SIGLEC9: variants seen among roughly 807,000 people sequenced by gnomAD.
SIGLEC9 encodes sialic acid binding Ig like lectin 9.
A neutral mutation model predicts 38.3 loss-of-function variants in SIGLEC9; 26 were observed. The observed-to-expected ratio is 0.68, with a 90% CI of 0.50 to 0.94. SIGLEC9 has a LOEUF of 0.94. Ranked by LOEUF, SIGLEC9 falls within the 40% of genes least tolerant of loss-of-function variation. The pLI, the probability that SIGLEC9 is intolerant of heterozygous loss-of-function variation, is 0.00. For synonymous variants in SIGLEC9, 236 were observed against 248.0 expected (o/e 0.95, Z 0.45); for missense variants, 556 against 585.7 (o/e 0.95, Z 0.52).
downstream of SIGLEC9, among the ~76,000 whole-genome samples, chr19:51,131,389 C>T (rs1417793693): frequency 6.6e-6 from 1 of 151,952 alleles, no homozygotes; most frequent in Non-Finnish European, 1.5e-5. Context: ...AGATCGAGAC[C>T]ATCCTGGCTA....
intron 3 of SIGLEC9, among the ~76,000 whole-genome samples, chr19:51,126,549 C>A (rs548845798): frequency 4.3e-4 from 65 of 152,330 alleles, no homozygotes; most frequent in Middle Eastern, 3.4e-3. Context: ...CCAGAACCAA[C>A]CACTGTCCAT....
At position 51,130,195 on chromosome 19, in the gene SIGLEC9, T is replaced by C; in HGVS notation, c.*116T>C. The C allele has an allele frequency of 2.8e-6, 4 of 1,444,648 alleles. No individual in the cohort carries two copies. Among genetic ancestry groups the C allele is most frequent in the Non-Finnish European group, 3.6e-6 (4 of 1,100,814 alleles). 89.5% of individuals were successfully genotyped at this position (1,444,648 alleles called of 1,614,324 possible). Reference sequence around the variant, plus strand: ...TCAACGTGATGAGCTATGATAACACTATGAATTATGTGCAGAGTGAAAAGC... The same window carrying C: ...TCAACGTGATGAGCTATGATAACACCATGAATTATGTGCAGAGTGAAAAGC... On this transcript the variant is annotated 3_prime_UTR_variant, in exon 7 of 7. Coordinates refer to ENST00000250360, the MANE Select transcript of SIGLEC9 (RefSeq NM_014441.3).
At chr19:51,123,661 G>T (rs1168427033), upstream of SIGLEC9, among the ~76,000 whole-genome samples, 2 of 152,178 alleles carry the variant, frequency 1.3e-5, no homozygotes, top group Admixed American at 6.5e-5. Context: ...AGGAAGTGGG[G>T]TAACAAAGAG....
chr19:51,134,725 T>G (rs1322568892), downstream of SIGLEC9, among the ~76,000 whole-genome samples: 1 of 152,206 alleles, frequency 6.6e-6, no homozygotes, highest in Non-Finnish European at 1.5e-5. Context: ...TATCTCAATT[T>G]TATTCATTTC....
chr19:51,135,009 C>A (rs1365634314), downstream of SIGLEC9, among the ~76,000 whole-genome samples: 1 of 152,222 alleles, frequency 6.6e-6, no homozygotes, highest in Non-Finnish European at 1.5e-5. Context: ...GCATCCCAGT[C>A]TCCTCTGCGT....
rs1409719191 is a variant in SIGLEC9 at position 51,125,382 on chromosome 19, T to A, written c.408T>A (p.Ser136=). The A allele has an allele frequency of 6.3e-7, 1 of 1,582,896 alleles. No homozygotes were observed. The highest frequency in any genetic ancestry group is 2.2e-5 in the East Asian group (1 of 44,714). ...IKWNYKHHRL[S]VNVTALTHRP... ...GGAATTATAAACATCACCGGCTCTC[T>A]GTGAATGTGACAGGTAAGGCACAGG... is the stretch of plus-strand genomic sequence containing the variant. The change falls in exon 1 of 7, where the codon TCT becomes TCA. Residue 136 remains serine (S), a synonymous_variant. Transcript: ENST00000250360.
rs2091970607 is a variant in SIGLEC9 at position 51,125,376 on chromosome 19, G to C, written c.402G>C (p.Arg134=). The change falls in exon 1 of 7, where the codon CGG becomes CGC. Residue 134 remains arginine (R), a synonymous_variant. Coordinates refer to ENST00000250360, the MANE Select transcript of SIGLEC9 (RefSeq NM_014441.3). ...GSIKWNYKHH[R]LSVNVTALTH... ...TAAAATGGAATTATAAACATCACCG[G>C]CTCTCTGTGAATGTGACAGGTAAGG... 1 of 1,587,200 alleles carries C rather than the reference G, an allele frequency of 6.3e-7. No individual in the cohort carries two copies. The highest frequency in any genetic ancestry group is 1.3e-5 in the African/African-American group (1 of 74,468).
At chr19:51,131,522 C>G (rs1317680664), downstream of SIGLEC9, among the ~76,000 whole-genome samples, 3 of 146,630 alleles carry the variant, frequency 2.0e-5, no homozygotes, top group Non-Finnish European at 3.0e-5. Context: ...GGTGGTGGAG[C>G]TTGCAGTGAG....
rs1279749445 is a variant in SIGLEC9 at position 51,127,019 on chromosome 19, T to C, written c.749-11T>C. The C allele has an allele frequency of 6.8e-6, 11 of 1,612,844 alleles. No individual in the cohort carries two copies. Among genetic ancestry groups the C allele is most frequent in the Non-Finnish European group, 9.3e-6 (11 of 1,179,036 alleles). ...ATGTATCTCTCTGACCCTCTGTCTC[T>C]TTTTCTACAGTATCCACAGTCTTGG... On this transcript the variant is annotated splice_polypyrimidine_tract_variant and intron_variant, in intron 3 of 6. Coordinates refer to ENST00000250360, the MANE Select transcript of SIGLEC9 (RefSeq NM_014441.3).
chr19:51,130,058 G>A lies in SIGLEC9; in HGVS notation c.1371G>A (p.Ser457=), dbSNP rs756353456. 56 of 1,612,166 alleles carry A rather than the reference G, an allele frequency of 3.5e-5. No individual in the cohort carries two copies. The highest frequency in any genetic ancestry group is 1.4e-4 in the South Asian group (13 of 90,838). ...RGQEATDTEY[S]EIKIHR Reference sequence around the variant, plus strand: ...AGGAGGCCACTGACACCGAGTACTCGGAGATCAAGATCCACAGATGAGAAA... The same window carrying A: ...AGGAGGCCACTGACACCGAGTACTCAGAGATCAAGATCCACAGATGAGAAA... Residue 457 remains serine, a synonymous_variant, in exon 7 of 7, where the codon TCG becomes TCA. Coordinates refer to ENST00000250360, the MANE Select transcript of SIGLEC9 (RefSeq NM_014441.3).
chr19:51,125,290 A>C lies in SIGLEC9; in HGVS notation c.316A>C (p.Ile106Leu). The C allele has an allele frequency of 6.2e-7, 1 of 1,613,994 alleles. No individual in the cohort carries two copies. The highest frequency in any genetic ancestry group is 8.5e-7 in the Non-Finnish European group (1 of 1,179,930). Residue 106 changes from isoleucine to leucine, a missense_variant, in exon 1 of 7, where the codon ATC becomes CTC. Transcript: ENST00000250360. The stretch of plus-strand genomic sequence containing the variant: ...ACATACCAAGAATTGCACCCTGAGC[A>C]TCAGAGATGCCAGAAGAAGTGATGC... ...DPHTKNCTLS[I>L]RDARRSDAGR...
chr19:51,127,151 A>T lies in SIGLEC9; in HGVS notation c.870A>T (p.Arg290Ser). ...CTGCCAGGCTGAGCCTGAGCTGGAG[A>T]GGCCTGACCCTGTGCCCCTCACAGC... Reference protein sequence around the residue: ...NPPARLSLSWRGLTLCPSQPS... With the variant: ...NPPARLSLSWSGLTLCPSQPS... Residue 290 changes from arginine (R) to serine (S), a missense_variant, in exon 4 of 7, where the codon AGA (arginine) becomes AGT (serine). Transcript: ENST00000250360. The T allele has an allele frequency of 1.2e-6, 2 of 1,614,204 alleles. No homozygotes were observed. Among genetic ancestry groups the T allele is most frequent in the South Asian group, 1.1e-5 (1 of 91,090 alleles).
chr19:51,132,514 T>C (rs2092021740), downstream of SIGLEC9, among the ~76,000 whole-genome samples: 1 of 152,128 alleles, frequency 6.6e-6, no homozygotes, highest in African/African-American at 2.4e-5. Context: ...TCTGAGTGTT[T>C]TTACCAGGCC....
chr19:51,129,410 T>C (rs990125171), intron 6 of SIGLEC9, among the ~76,000 whole-genome samples: 6 of 151,780 alleles, frequency 4.0e-5, no homozygotes, highest in East Asian at 1.9e-4. Context: ...CTGCCCACCT[T>C]GGCTTCCCGA....
In SIGLEC9 at chr19:51,125,580, C is replaced by A. The variant is rs771772179; in HGVS notation, c.422-17C>A. ...TGGATCCTCTGACCTGATCCTGAGTCCCCCTCTCTTCACCAGCCTTGACCC... is the reference window on the plus strand; with the variant it reads ...TGGATCCTCTGACCTGATCCTGAGTACCCCTCTCTTCACCAGCCTTGACCC... On this transcript the variant is annotated splice_polypyrimidine_tract_variant and intron_variant, in intron 1 of 6. Coordinates refer to ENST00000250360, the MANE Select transcript of SIGLEC9 (RefSeq NM_014441.3). 7.5e-6 allele frequency: 12 copies of A among 1,607,556 alleles called. No homozygotes were observed. The highest frequency in any genetic ancestry group is 1.0e-5 in the Non-Finnish European group (12 of 1,179,652).
downstream of SIGLEC9, among the ~76,000 whole-genome samples, chr19:51,134,839 C>G (rs964247356): frequency 2.0e-5 from 3 of 152,156 alleles, no homozygotes; most frequent in Admixed American, 2.0e-4. Context: ...AATTTGGGAT[C>G]TTTCTAACTT....
chr19:51,123,541 G>A (rs569102577), upstream of SIGLEC9, among the ~76,000 whole-genome samples: 4 of 152,310 alleles, frequency 2.6e-5, no homozygotes, highest in South Asian at 4.1e-4. Context: ...GGGGGCCTGA[G>A]GTATTCACGG....
intron 6 of SIGLEC9, among the ~76,000 whole-genome samples, chr19:51,135,601 C>T (rs1316881554): frequency 6.6e-6 from 1 of 152,060 alleles, no homozygotes; most frequent in Non-Finnish European, 1.5e-5. Flanking sequence ...CTCTGAATTT[C>T]CTGAATTTAT....
At chr19:51,132,240 C>A (rs2092020158), downstream of SIGLEC9, among the ~76,000 whole-genome samples, 1 of 152,216 alleles carries the variant, frequency 6.6e-6, no homozygotes, top group African/African-American at 2.4e-5. Flanking sequence ...TGAGTGGAAG[C>A]TTCCTGAGAC....
Sources: gnomAD v4.1 joint callset for allele counts (sites outside exome capture counted in the v4.1 genomes callset) on GRCh38, gnomAD v4.1.1 for gene constraint, MANE v1.5 for transcripts, NCBI Gene and HGNC (gene_info 2026-07-23, HGNC 2026-07-21) for gene names.